CCDC3: variants seen among roughly 807,000 people sequenced by gnomAD.
CCDC3 encodes coiled-coil domain-containing protein 3.
Under a neutral mutation model 21.4 loss-of-function variants are expected in CCDC3, and 24 were observed. That is an observed-to-expected ratio of 1.12 (90% CI 0.81 to 1.58). CCDC3 has a LOEUF of 1.58. Ranked by LOEUF, CCDC3 falls within the 40% of genes most tolerant of loss-of-function variation. CCDC3 has a pLI of 0.00. For synonymous variants in CCDC3, 186 were observed against 166.0 expected (o/e 1.12, Z -0.93); for missense variants, 425 against 360.9 (o/e 1.18, Z -1.44).
At chr10:12,973,916 CACAA>C (rs35260603) in intron 2 of CCDC3, among the ~76,000 whole-genome samples, 52,115 of 151,722 alleles carry the variant, frequency 0.34, 9,145 homozygotes, top group Admixed American at 0.41. Flanking sequence ...TTTTTCTAAT[CACAA>C]ACAATCTCCG....
intron 2 of CCDC3, among the ~76,000 whole-genome samples, chr10:12,997,590 G>A (rs1026101810): frequency 6.6e-6 from 1 of 152,196 alleles, no homozygotes; most frequent in African/African-American, 2.4e-5. Flanking sequence ...CTATAGTTAA[G>A]AATCACAGAA....
At chr10:13,088,601 A>C (rs2131453010) in intron 3 of CCDC3, among the ~76,000 whole-genome samples, 1 of 152,340 alleles carries the variant, frequency 6.6e-6, no homozygotes, top group Admixed American at 6.5e-5. Context: ...CTACCGAGGG[A>C]ATGGAATGAG....
intron 2 of CCDC3, among the ~76,000 whole-genome samples, chr10:12,997,853 C>A (rs1347944341): frequency 6.6e-6 from 1 of 152,074 alleles, no homozygotes; most frequent in African/African-American, 2.4e-5. Context: ...CTTTTGGGCC[C>A]CATTGGAAGA....
At chr10:13,011,102 A>C (rs1490247694) in intron 5 of CCDC3, among the ~76,000 whole-genome samples, 1 of 150,944 alleles carries the variant, frequency 6.6e-6, no homozygotes, top group Non-Finnish European at 1.5e-5. Flanking sequence ...AATTGCTTGA[A>C]CCTGGGAGGC....
intron 5 of CCDC3, among the ~76,000 whole-genome samples, chr10:13,022,398 A>T (rs1286517610): frequency 6.6e-6 from 1 of 152,182 alleles, no homozygotes; most frequent in East Asian, 1.9e-4. Context: ...GGTGAAAAGC[A>T]GGAAGTCCAT....
chr10:12,928,916 C>G (rs905909160), intron 2 of CCDC3, among the ~76,000 whole-genome samples: 12 of 152,118 alleles, frequency 7.9e-5, no homozygotes, highest in Non-Finnish European at 1.3e-4. Flanking sequence ...TTGGAGGCAC[C>G]TGGTTGACTT....
intron 2 of CCDC3, among the ~76,000 whole-genome samples, chr10:12,961,149 C>T (rs1835173630): frequency 6.6e-6 from 1 of 152,208 alleles, no homozygotes; most frequent in South Asian, 2.1e-4. Flanking sequence ...GGGAATTCCA[C>T]AGACCTAAGT....
chr10:12,901,665 T>C (rs1834094336), intron 2 of CCDC3, among the ~76,000 whole-genome samples: 1 of 152,246 alleles, frequency 6.6e-6, no homozygotes, highest in Non-Finnish European at 1.5e-5. Context: ...TCATGAGTTT[T>C]ACTTGAAAAA....
At chr10:12,943,417 G>C (rs139124749) in intron 2 of CCDC3, among the ~76,000 whole-genome samples, 1 of 152,186 alleles carries the variant, frequency 6.6e-6, no homozygotes. Context: ...GAGAATCCTC[G>C]GTAAGGTTTC....
intron 2 of CCDC3, among the ~76,000 whole-genome samples, chr10:12,918,948 G>A (rs1007277055): frequency 4.6e-5 from 7 of 152,254 alleles, no homozygotes; most frequent in Non-Finnish European, 8.8e-5. Flanking sequence ...CCAGCTACTC[G>A]GGAGGCTGAG....
intron 1 of CCDC3, among the ~76,000 whole-genome samples, chr10:12,999,226 G>A (rs936500493): frequency 6.6e-6 from 1 of 152,182 alleles, no homozygotes; most frequent in African/African-American, 2.4e-5. Context: ...GGTGACAAGA[G>A]TGAGACGCCA....
intron 2 of CCDC3, among the ~76,000 whole-genome samples, chr10:12,977,507 G>A (rs1176826816): frequency 6.6e-6 from 1 of 152,190 alleles, no homozygotes; most frequent in Non-Finnish European, 1.5e-5. Context: ...GTTAACAACT[G>A]TAGCATCTAA....
At chr10:12,940,992 C>A (rs1834820997) in intron 2 of CCDC3, among the ~76,000 whole-genome samples, 1 of 152,078 alleles carries the variant, frequency 6.6e-6, no homozygotes, top group Admixed American at 6.6e-5. Context: ...CAGAGCGACT[C>A]CATTTTGTGT....
intron 2 of CCDC3, among the ~76,000 whole-genome samples, chr10:12,903,723 A>C (rs1834127150): frequency 6.6e-6 from 1 of 152,390 alleles, no homozygotes; most frequent in South Asian, 2.1e-4. Flanking sequence ...GCCTAAGGGC[A>C]GATGGGAAGA....
intron 4 of CCDC3, among the ~76,000 whole-genome samples, chr10:13,067,099 T>A (rs1232254653): frequency 6.6e-6 from 1 of 152,180 alleles, no homozygotes; most frequent in African/African-American, 2.4e-5. Flanking sequence ...GTCCTTGGGC[T>A]TCTTCTGAGG....
chr10:12,975,546 C>T (rs562049851), intron 2 of CCDC3, among the ~76,000 whole-genome samples: 16 of 152,312 alleles, frequency 1.1e-4, no homozygotes, highest in East Asian at 5.8e-4. Flanking sequence ...ACCCCTGCTC[C>T]GGTTCCAGGA....
At chr10:13,025,227 T>C (rs1836199962) in intron 5 of CCDC3, among the ~76,000 whole-genome samples, 2 of 152,334 alleles carry the variant, frequency 1.3e-5, no homozygotes, top group African/African-American at 4.8e-5. Flanking sequence ...TCAACTGGAA[T>C]TGGCGAAGGG....
chr10:13,019,717 T>A (rs774154701), intron 5 of CCDC3, among the ~76,000 whole-genome samples: 3 of 152,158 alleles, frequency 2.0e-5, no homozygotes, highest in Admixed American at 6.5e-5. Flanking sequence ...AACACTGGGC[T>A]AGGCAGGGTG....
At chr10:13,024,699 G>C (rs1286851503) in intron 5 of CCDC3, among the ~76,000 whole-genome samples, 1 of 152,126 alleles carries the variant, frequency 6.6e-6, no homozygotes, top group Non-Finnish European at 1.5e-5. Flanking sequence ...TGTACCTTCT[G>C]TTCTCCGTCA....
Sources: gnomAD v4.1 joint callset for allele counts (sites outside exome capture counted in the v4.1 genomes callset) on GRCh38, gnomAD v4.1.1 for gene constraint, MANE v1.5 for transcripts, NCBI Gene and HGNC (gene_info 2026-07-23, HGNC 2026-07-21) for gene names.